The following RFT1 variants were observed in gnomAD, a reference collection of about 807,000 sequenced individuals.
RFT1 encodes man(5)GlcNAc(2)-PP-dolichol translocation protein RFT1.
A neutral mutation model predicts 62.2 loss-of-function variants in RFT1; 43 were observed. The observed-to-expected ratio is 0.69, with a 90% CI of 0.54 to 0.89. The LOEUF (loss-of-function observed/expected upper bound fraction) is 0.89. Ranked by LOEUF, RFT1 falls within the 40% of genes least tolerant of loss-of-function variation. RFT1 has a pLI of 0.00. For missense variants in RFT1, 605 were observed against 649.9 expected, an observed-to-expected ratio of 0.93 and a Z score of 0.75; for synonymous variants, 262 against 264.6, an observed-to-expected ratio of 0.99 and a Z score of 0.10.
chr3:53,112,089 A>G (rs1412465878), intron 6 of RFT1, among the ~76,000 whole-genome samples, 181 bp from the exon 7 acceptor site: 1 of 152,210 alleles, frequency 6.6e-6, no homozygotes, highest in Non-Finnish European at 1.5e-5. Context: ...AAGAATTTAC[A>G]TTACTAAACA....
intron 6 of RFT1, among the ~76,000 whole-genome samples, chr3:53,117,520 G>C (rs148699999): frequency 6.6e-6 from 1 of 152,268 alleles, no homozygotes; most frequent in East Asian, 1.9e-4. Flanking sequence ...ATGTCAGCGG[G>C]AACAGTATCA....
chr3:53,123,004 G>A (rs1702013305), intron 3 of RFT1, among the ~76,000 whole-genome samples: 1 of 152,220 alleles, frequency 6.6e-6, no homozygotes, highest in Non-Finnish European at 1.5e-5. Flanking sequence ...ACAGAGCAGT[G>A]CTCAGTATCC....
intron 11 of RFT1, among the ~76,000 whole-genome samples, chr3:53,093,141 C>T (rs1031918351): frequency 2.6e-5 from 4 of 152,192 alleles, no homozygotes; most frequent in African/African-American, 9.7e-5. Flanking sequence ...CAGTACCTCA[C>T]ACCACTGCCC....
At chr3:53,087,490 G>T (rs924330053), downstream of RFT1, among the ~76,000 whole-genome samples, 1 of 151,912 alleles carries the variant, frequency 6.6e-6, no homozygotes, top group Non-Finnish European at 1.5e-5. Flanking sequence ...GCTCCTGCCT[G>T]TCTCTTCCTC....
At position 53,122,572 on chromosome 3, in the gene RFT1, G is replaced by A; in HGVS notation, c.267-9C>T. On this transcript the variant is annotated splice_polypyrimidine_tract_variant and intron_variant, in intron 3 of 12. Coordinates refer to ENST00000296292, the MANE Select transcript of RFT1 (RefSeq NM_052859.4). The stretch of plus-strand genomic sequence containing the variant: ...ACACACCCAGGGGGACTCTAGAAGA[G>A]GAGAAAAAAATAATTCACTAAATTT... 4 of 1,542,276 alleles carry A rather than the reference G, an allele frequency of 2.6e-6. No homozygotes were observed. The highest frequency in any genetic ancestry group is 3.5e-6 in the Non-Finnish European group (4 of 1,141,310).
chr3:53,122,424 C>T lies in RFT1; in HGVS notation c.406G>A (p.Gly136Arg). 1 of 1,614,014 alleles carries T rather than the reference C, an allele frequency of 6.2e-7. No individual in the cohort carries two copies. The highest frequency in any genetic ancestry group is 1.7e-5 in the Admixed American group (1 of 60,006). The change falls in exon 4 of 13, where the codon GGA becomes AGA. Residue 136 changes from glycine to arginine, a missense_variant. Transcript: ENST00000296292. ...TGTGCCAAGACCCAAAAGGGCTCTC[C>T]TAGAAGCTCCACCACTGCCGAGAGA... ...FGLSAVVELL[G>R]EPFWVLAQAH...
intron 6 of RFT1, among the ~76,000 whole-genome samples, chr3:53,113,967 G>GGTTC (rs1701722120): frequency 6.6e-6 from 1 of 152,186 alleles, no homozygotes; most frequent in Non-Finnish European, 1.5e-5. Flanking sequence ...GGGAATCAGA[G>GGTTC]AACCTAGAGC....
intron 7 of RFT1, among the ~76,000 whole-genome samples, chr3:53,108,111 C>T (rs569945357): frequency 2.0e-5 from 3 of 152,310 alleles, no homozygotes; most frequent in East Asian, 3.9e-4. Flanking sequence ...TGCAGTGGCG[C>T]GATCTCAGCT....
Position 53,090,927 on chromosome 3 carries a change from T to C in RFT1, c.*976A>G, listed in dbSNP as rs1383984982. On this transcript the variant is annotated 3_prime_UTR_variant, in exon 13 of 13. Coordinates refer to ENST00000296292, the MANE Select transcript of RFT1 (RefSeq NM_052859.4). The stretch of plus-strand genomic sequence containing the variant: ...GTCCTGGGGCTGGAATTTGGTTGTA[T>C]TGATCAATGCTGGAATTAATGGGTC... The C allele has an allele frequency of 6.6e-6, 1 of 152,242 alleles. No homozygotes were observed. Among genetic ancestry groups the C allele is most frequent in the African/African-American group, 2.4e-5 (1 of 41,450 alleles). The allele number at this position is 152,242 out of a possible 1,614,324, so 9.4% of individuals were successfully genotyped here.
chr3:53,091,758 C>T lies in RFT1; in HGVS notation c.*145G>A. On this transcript the variant is annotated 3_prime_UTR_variant, in exon 13 of 13. Coordinates refer to ENST00000296292, the MANE Select transcript of RFT1 (RefSeq NM_052859.4). The stretch of plus-strand genomic sequence containing the variant: ...TTCGAATGGTCACAGGTGTCTCATG[C>T]AGTGGCACTCTCTGGTGCCTCATCT... 1.2e-6 allele frequency: 1 copy of T among 830,898 alleles called. No homozygotes were observed. Among genetic ancestry groups the T allele is most frequent in the Non-Finnish European group, 2.0e-6 (1 of 491,606 alleles). The allele number at this position is 830,898 out of a possible 1,614,324, so 51.5% of individuals were successfully genotyped here.
At chr3:53,095,133 G>A (rs938544824) in intron 11 of RFT1, among the ~76,000 whole-genome samples, 9 of 151,990 alleles carry the variant, frequency 5.9e-5, no homozygotes, top group Admixed American at 5.2e-4. Context: ...GAGCTTGGTG[G>A]TGCACGTCTG....
At chr3:53,097,046 A>G (rs954021982) in intron 11 of RFT1, among the ~76,000 whole-genome samples, 10 of 152,174 alleles carry the variant, frequency 6.6e-5, no homozygotes, top group African/African-American at 2.2e-4. Flanking sequence ...TGCCCGGCCC[A>G]AATGCTCTAT....
the RFT1 span, among the ~76,000 whole-genome samples, chr3:53,073,362 C>T: frequency 2.6e-5 from 4 of 152,200 alleles, no homozygotes; most frequent in Admixed American, 2.0e-4. Context: ...CTGGACACCC[C>T]CACCTGTGCC....
At chr3:53,070,365 G>A in the RFT1 span, among the ~76,000 whole-genome samples, 6 of 145,092 alleles carry the variant, frequency 4.1e-5, no homozygotes, top group Non-Finnish European at 6.0e-5. Flanking sequence ...TTACAAGTGT[G>A]AGCCACCATG....
chr3:53,119,363 C>T (rs1701902359), intron 6 of RFT1, among the ~76,000 whole-genome samples: 2 of 152,300 alleles, frequency 1.3e-5, no homozygotes, highest in Non-Finnish European at 1.5e-5. Context: ...CATGTGAGCC[C>T]CTCCAGGCTG....
chr3:53,117,133 T>C (rs1701832292), intron 6 of RFT1, among the ~76,000 whole-genome samples: 1 of 152,236 alleles, frequency 6.6e-6, no homozygotes, highest in South Asian at 2.1e-4. Flanking sequence ...ACCTCAGTTT[T>C]CTTGTCTGTA....
At chr3:53,077,520 C>T in the RFT1 span, among the ~76,000 whole-genome samples, 2 of 152,270 alleles carry the variant, frequency 1.3e-5, no homozygotes, top group East Asian at 3.8e-4. Context: ...GGAGCCAGAG[C>T]AGTTGGCAGA....
intron 11 of RFT1, among the ~76,000 whole-genome samples, chr3:53,093,395 C>T (rs1298804763): frequency 6.6e-6 from 1 of 152,168 alleles, no homozygotes; most frequent in Non-Finnish European, 1.5e-5. Flanking sequence ...AAAAAGAAAA[C>T]AGATTCTCAG....
chr3:53,122,591 T>A, intron 3 of RFT1, 28 bp from the exon 4 acceptor site: 1 of 1,415,918 alleles, frequency 7.1e-7, no homozygotes, highest in Non-Finnish European at 9.5e-7. Flanking sequence ...AATAATTCAC[T>A]AAATTTTAAA....
Sources: allele counts gnomAD v4.1 joint callset (sites outside exome capture counted in the v4.1 genomes callset), GRCh38; gene constraint gnomAD v4.1.1; transcripts MANE v1.5; gene names NCBI Gene and HGNC (gene_info 2026-07-23, HGNC 2026-07-21).